The following LRRC57 variants were observed in gnomAD, a reference collection of about 807,000 sequenced individuals.
LRRC57 encodes leucine-rich repeat-containing protein 57.
In LRRC57, 14 loss-of-function variants were observed where a neutral mutation model predicts 23.1. The observed-to-expected ratio is 0.61, with a 90% CI of 0.40 to 0.95. The LOEUF is 0.95. Among genes scored for constraint, LRRC57 ranks in the 40% least tolerant of loss-of-function variants. The probability of loss-of-function intolerance (pLI) is 0.00; values close to 1 mark genes in which losing one functional copy is unlikely to be tolerated. For synonymous variants in LRRC57, 106 were observed against 115.2 expected, an observed-to-expected ratio of 0.92 and a Z score of 0.51; for missense variants, 236 against 284.4, an observed-to-expected ratio of 0.83 and a Z score of 1.22.
At position 42,539,488 on chromosome 15, in the gene LRRC57, A is replaced by AAAAAAAC. The variant is rs2057617081; in HGVS notation, c.*4594_*4595insGTTTTTT. The AAAAAAAC allele has an allele frequency of 6.7e-6, 1 of 150,100 alleles. No individual in the cohort carries two copies. Among genetic ancestry groups the AAAAAAAC allele is most frequent in the African/African-American group, 2.4e-5 (1 of 40,824 alleles). The allele number at this position is 150,100 out of a possible 1,614,324, so 9.3% of individuals were successfully genotyped here. On this transcript the variant is annotated 3_prime_UTR_variant, in exon 6 of 6. Coordinates refer to ENST00000397130, the MANE Select transcript of LRRC57 (RefSeq NM_153260.3). ...GACAGCCTCTGTCTCAAAAAAAAAAAAAAAAAAAAAGAGACTTAAAAGCCA... is the reference window on the plus strand; with the variant it reads ...GACAGCCTCTGTCTCAAAAAAAAAAAAAAAAACAAAAAAAAAAGAGACTTAAAAGCCA...
chr15:42,547,247 T>TGA lies in LRRC57; in HGVS notation c.492+13_492+14insTC, dbSNP rs1211871614. ...CACATATGCTGTAGGAAAAAAAACC[T>TGA]TAAAGCTCTAGACCTGATTCTGGTT... On this transcript the variant is annotated intron_variant, in intron 4 of 5. Coordinates refer to ENST00000397130, the MANE Select transcript of LRRC57 (RefSeq NM_153260.3). 6.2e-6 allele frequency: 10 copies of TGA among 1,610,436 alleles called. No individual in the cohort carries two copies. Among genetic ancestry groups the TGA allele is most frequent in the Non-Finnish European group, 8.5e-6 (10 of 1,177,924 alleles).
At chr15:42,548,318 TA>T in intron 2 of LRRC57, 32 bp downstream of exon 2, 1 of 1,614,066 alleles carries the variant, frequency 6.2e-7, no homozygotes, top group Non-Finnish European at 8.5e-7. Flanking sequence ...CCTCTCCCTT[TA>T]AGTTCCCTGG....
intron 4 of LRRC57, 33 bp downstream of exon 4, chr15:42,547,228 T>G (rs2057662636): frequency 6.2e-7 from 1 of 1,602,630 alleles, no homozygotes; most frequent in Non-Finnish European, 8.5e-7. Flanking sequence ...GCCACACATA[T>G]GCTGTAGGAA....
Position 42,542,077 on chromosome 15 carries a change from A to C in LRRC57, c.*2006T>G, listed in dbSNP as rs2057633209. ...CCCGGCCTTTTTTTTTTTTTTTGAG[A>C]CGCAGTCTCACTCTATTGCCCAGGC... On this transcript the variant is annotated 3_prime_UTR_variant, in exon 6 of 6. Coordinates refer to ENST00000397130, the MANE Select transcript of LRRC57 (RefSeq NM_153260.3). The C allele has an allele frequency of 2.1e-5, 2 of 94,614 alleles. No individual in the cohort carries two copies. Among genetic ancestry groups the C allele is most frequent in the Admixed American group, 1.3e-4 (1 of 7,704 alleles). The allele number at this position is 94,614 out of a possible 1,614,324, so 5.9% of individuals were successfully genotyped here.
At position 42,547,395 on chromosome 15, in the gene LRRC57, G is replaced by C; in HGVS notation, c.358C>G (p.Leu120Val). Residue 120 changes from leucine (L) to valine (V), a missense_variant, in exon 4 of 6, where the codon CTG becomes GTG. Leu to Val is a conservative substitution (Grantham distance 32). Coordinates refer to ENST00000397130, the MANE Select transcript of LRRC57 (RefSeq NM_153260.3). ...CAAAGTTGGGGAGGTAATGCTCCCA[G>C]TTGGTTCCCAGAGAGGCTCAGGGTC... ...LKTLSLSGNQ[L>V]GALPPQLCSL... 1 of 1,614,224 alleles carries C rather than the reference G, an allele frequency of 6.2e-7. No individual in the cohort carries two copies. Among genetic ancestry groups the C allele is most frequent in the Non-Finnish European group, 8.5e-7 (1 of 1,180,046 alleles).
At chr15:42,533,562 T>TA (rs998465942), downstream of LRRC57, among the ~76,000 whole-genome samples, 4 of 151,886 alleles carry the variant, frequency 2.6e-5, no homozygotes, top group Non-Finnish European at 4.4e-5. Flanking sequence ...CCATTTACCA[T>TA]AAAAAAAAAT....
Position 42,542,082 on chromosome 15 carries a change from G to T in LRRC57, c.*2001C>A. 8.5e-6 allele frequency: 1 copy of T among 117,724 alleles called. No homozygotes were observed. The allele number at this position is 117,724 out of a possible 1,614,324, so 7.3% of individuals were successfully genotyped here. The stretch of plus-strand genomic sequence containing the variant: ...CCTTTTTTTTTTTTTTTGAGACGCA[G>T]TCTCACTCTATTGCCCAGGCTGGAG... On this transcript the variant is annotated 3_prime_UTR_variant, in exon 6 of 6. Coordinates refer to ENST00000397130, the MANE Select transcript of LRRC57 (RefSeq NM_153260.3).
At position 42,548,665 on chromosome 15, in the gene LRRC57, A is replaced by G. The variant is rs987384095; in HGVS notation, c.-23+28T>C. The stretch of plus-strand genomic sequence containing the variant: ...GGAGGCCAGGCGCCTCTGGGAGCCT[A>G]CGGAAGATCAGGGAGCCCCGGACTC... On this transcript the variant is annotated intron_variant, in intron 1 of 5. Transcript: ENST00000397130. The G allele has an allele frequency of 9.6e-6, 6 of 622,506 alleles. No individual in the cohort carries two copies. The Admixed American group carries it at 1.2e-4, about 12-fold the overall frequency. 38.6% of individuals were successfully genotyped at this position (622,506 alleles called of 1,614,324 possible).
chr15:42,534,083 G>T (rs1438294562), downstream of LRRC57, among the ~76,000 whole-genome samples: 1 of 152,158 alleles, frequency 6.6e-6, no homozygotes, highest in Non-Finnish European at 1.5e-5. Flanking sequence ...TTAGCTGGGT[G>T]TGGTGGCATG....
At chr15:42,537,252 C>CACACACACACACACACACACACAT (rs1555381687), downstream of LRRC57, among the ~76,000 whole-genome samples, 5 of 151,478 alleles carry the variant, frequency 3.3e-5, no homozygotes, top group African/African-American at 1.2e-4. Context: ...CACACACACA[C>CACACACACACACACACACACACAT]ACACACACAC....
chr15:42,545,873 T>C (rs940475946), intron 4 of LRRC57, among the ~76,000 whole-genome samples: 1 of 152,186 alleles, frequency 6.6e-6, no homozygotes, highest in East Asian at 1.9e-4. Context: ...CTAAACTTCT[T>C]CTAGAAAGCT....
At position 42,545,243 on chromosome 15, in the gene LRRC57, T is replaced by C. The variant is rs781679216; in HGVS notation, c.512A>G (p.Lys171Arg). ...NQNQISQISV[K>R]ISCCPRLKIL... is the part of the protein sequence containing the mutation. ...TTTAAGGCGTGGACAGCAAGATATC[T>C]TCACTGAGATCTGAGATATCTATTG... is the stretch of plus-strand genomic sequence containing the variant. Residue 171 changes from lysine (K) to arginine (R), a missense_variant, in exon 5 of 6, where the codon AAG becomes AGG. Lys to Arg is a conservative substitution (Grantham distance 26). Transcript: ENST00000397130. 2 of 1,582,066 alleles carry C rather than the reference T, an allele frequency of 1.3e-6. No homozygotes were observed. The highest frequency in any genetic ancestry group is 1.9e-5 in the Admixed American group (1 of 51,670).
At chr15:42,536,581 T>C (rs2141570708), downstream of LRRC57, among the ~76,000 whole-genome samples, 1 of 152,328 alleles carries the variant, frequency 6.6e-6, no homozygotes, top group East Asian at 1.9e-4. Flanking sequence ...AGCCCGTCCA[T>C]GGAACCCAGG....
the LRRC57 span, chr15:42,532,190 C>G: frequency 6.6e-6 from 1 of 152,212 alleles, no homozygotes; most frequent in African/African-American, 2.4e-5. Flanking sequence ...CTCCCTGGTT[C>G]AAGCAATTCT....
In LRRC57 at chr15:42,548,769, T is replaced by C; in HGVS notation, c.-99A>G. 8 of 825,510 alleles carry C rather than the reference T, an allele frequency of 9.7e-6. No individual in the cohort carries two copies. The highest frequency in any genetic ancestry group is 1.3e-5 in the Non-Finnish European group (7 of 524,862). The allele number at this position is 825,510 out of a possible 1,614,324, so 51.1% of individuals were successfully genotyped here. The stretch of plus-strand genomic sequence containing the variant: ...CAGTAGCCGGGATGCGCTCCCCGGC[T>C]TAGTCCCGGGCGGGAACGCCCTGTG... On this transcript the variant is annotated 5_prime_UTR_variant, in exon 1 of 6. Transcript: ENST00000397130.
the LRRC57 span, chr15:42,529,699 T>C: frequency 1.2e-6 from 2 of 1,614,014 alleles, no homozygotes; most frequent in Non-Finnish European, 1.7e-6. Context: ...CCAGAGAAGA[T>C]GAAATGGAAG....
rs568418701 is a variant in LRRC57 at position 42,547,362 on chromosome 15, G to A, written c.391C>T (p.Arg131Trp). Residue 131 changes from arginine (R) to tryptophan (W), a missense_variant, in exon 4 of 6, where the codon CGG (arginine) becomes TGG (tryptophan). Arg to Trp is a moderately radical substitution (Grantham distance 101). Coordinates refer to ENST00000397130, the MANE Select transcript of LRRC57 (RefSeq NM_153260.3). ...GALPPQLCSL[R>W]HLDVMDLSKN... Reference sequence around the variant, plus strand: ...GAGAGATCCATCACATCCAGGTGCCGTAGGCTACAAAGTTGGGGAGGTAAT... The same window carrying A: ...GAGAGATCCATCACATCCAGGTGCCATAGGCTACAAAGTTGGGGAGGTAAT... The A allele has an allele frequency of 1.2e-5, 19 of 1,614,196 alleles. No homozygotes were observed. The South Asian group carries it at 1.2e-4, about 10-fold the overall frequency.
At position 42,548,742 on chromosome 15, in the gene LRRC57, C is replaced by T. The variant is rs1038064265; in HGVS notation, c.-72G>A. 4 of 687,650 alleles carry T rather than the reference C, an allele frequency of 5.8e-6. No individual in the cohort carries two copies. Among genetic ancestry groups the T allele is most frequent in the Admixed American group, 2.9e-5 (1 of 34,784 alleles). The allele number at this position is 687,650 out of a possible 1,614,324, so 42.6% of individuals were successfully genotyped here. ...GCTCCGCAGGTGAAGACCCAGGACC[C>T]GCAGTAGCCGGGATGCGCTCCCCGG... On this transcript the variant is annotated 5_prime_UTR_variant, in exon 1 of 6. Transcript: ENST00000397130.
In LRRC57 at chr15:42,545,187, G is replaced by T; in HGVS notation, c.568C>A (p.Leu190Ile). Residue 190 changes from leucine to isoleucine, a missense_variant, in exon 5 of 6, where the codon CTC becomes ATC. Transcript: ENST00000397130. The part of the protein sequence containing the change: ...ILRLEENCLE[L>I]SMLPQSILSD... ...AGGATGCTCTGGGGAAGCATGCTGA[G>T]CTCAAGACAATTCTCTTCCAGGCGA... 2 of 1,611,890 alleles carry T rather than the reference G, an allele frequency of 1.2e-6. No individual in the cohort carries two copies. The highest frequency in any genetic ancestry group is 1.7e-6 in the Non-Finnish European group (2 of 1,179,038).
Sources: allele counts gnomAD v4.1 joint callset (sites outside exome capture counted in the v4.1 genomes callset), GRCh38; gene constraint gnomAD v4.1.1; transcripts MANE v1.5; gene names NCBI Gene and HGNC (gene_info 2026-07-23, HGNC 2026-07-21).